Variants in UTP25 observed in about 807,000 individuals in gnomAD.
The protein encoded by UTP25 is UTP25 small subunit processome component.
In UTP25, 50 loss-of-function variants were observed where a neutral mutation model predicts 78.9. The observed-to-expected ratio is 0.63, with a 90% CI of 0.50 to 0.80. The LOEUF (loss-of-function observed/expected upper bound fraction) is 0.80. Among genes scored for constraint, UTP25 ranks in the 30% least tolerant of loss-of-function variants. The probability of loss-of-function intolerance (pLI) is 0.00; values close to 1 mark genes in which losing one functional copy is unlikely to be tolerated. For synonymous variants in UTP25, 329 were observed against 336.5 expected (o/e 0.98, Z 0.24); for missense variants, 846 against 911.3 (o/e 0.93, Z 0.92).
chr1:209,828,198 A>T (rs12404886), intron 1 of UTP25, 28 bp downstream of exon 1: 293,670 of 1,561,674 alleles, frequency 0.19, 29,079 homozygotes, highest in Non-Finnish European at 0.2. Context: ...AGGGCTCCCC[A>T]GTCGCCAGAG....
intron 10 of UTP25, 57 bp downstream of exon 10, chr1:209,842,752 C>A: frequency 7.7e-7 from 1 of 1,297,364 alleles, no homozygotes; most frequent in Non-Finnish European, 1.1e-6. Flanking sequence ...TTGACTTGGG[C>A]ATACAAACCT....
chr1:209,851,146 A>T, intron 11 of UTP25, 58 bp from the exon 12 acceptor site: 1 of 1,563,804 alleles, frequency 6.4e-7, no homozygotes, highest in Non-Finnish European at 8.7e-7. Flanking sequence ...ACTCCTAGGT[A>T]GTTTTTCTAG....
At position 209,851,603 on chromosome 1, in the gene UTP25, T is replaced by C. The variant is rs1426203623; in HGVS notation, c.*156T>C. ...ATCTGACATCTTTCTTTTCAGGTCATGTGTCCCTGAAAAGTTAAATGTAAA... is the reference window on the plus strand; with the variant it reads ...ATCTGACATCTTTCTTTTCAGGTCACGTGTCCCTGAAAAGTTAAATGTAAA... On this transcript the variant is annotated 3_prime_UTR_variant, in exon 12 of 12. Transcript: ENST00000491415. The C allele has an allele frequency of 1.4e-5, 14 of 1,002,846 alleles. No individual in the cohort carries two copies. The allele number at this position is 1,002,846 out of a possible 1,614,324, so 62.1% of individuals were successfully genotyped here. A position where few individuals can be genotyped will look rare whatever the true frequency, so the allele number is the denominator to read the frequency against.
intron 4 of UTP25, 90 bp downstream of exon 4, chr1:209,833,448 A>G: frequency 8.4e-7 from 1 of 1,184,048 alleles, no homozygotes; most frequent in Non-Finnish European, 1.2e-6. Context: ...ATTGGAACAA[A>G]CAGCAATAAA....
Position 209,855,530 on chromosome 1 carries a change from G to C in UTP25, c.*4083G>C, listed in dbSNP as rs1339032025. On this transcript the variant is annotated 3_prime_UTR_variant, in exon 12 of 12. Coordinates refer to ENST00000491415, the MANE Select transcript of UTP25 (RefSeq NM_014388.7). ...AGGACAGGTATGTGACTGCCATAAG[G>C]AGCTGTTTGCTTTGCACAGAGAAAT... The C allele has an allele frequency of 6.6e-6, 1 of 152,288 alleles. No individual in the cohort carries two copies. Among genetic ancestry groups the C allele is most frequent in the African/African-American group, 2.4e-5 (1 of 41,458 alleles). The allele number at this position is 152,288 out of a possible 1,614,324, so 9.4% of individuals were successfully genotyped here.
At chr1:209,842,950 G>A in intron 10 of UTP25, 1 of 455,604 alleles carries the variant, frequency 2.2e-6, no homozygotes, top group South Asian at 3.3e-5. Context: ...CTTGACTGTG[G>A]CATTTTAAAA....
At chr1:209,839,491 T>G (rs1401339153) in intron 7 of UTP25, among the ~76,000 whole-genome samples, 1 of 152,212 alleles carries the variant, frequency 6.6e-6, no homozygotes, top group African/African-American at 2.4e-5. Context: ...GGGGTCATTC[T>G]GGGGAGGCTG....
Position 209,841,075 on chromosome 1 carries a change from T to A in UTP25, c.1485+20T>A, listed in dbSNP as rs370853832. The A allele has an allele frequency of 6.2e-7, 1 of 1,613,150 alleles. No individual in the cohort carries two copies. The highest frequency in any genetic ancestry group is 8.5e-7 in the Non-Finnish European group (1 of 1,179,390). ...GTCCTGGTAATGCTGGCCATTCACA[T>A]TCAGTGGGACAGTATTCATATTTAG... On this transcript the variant is annotated intron_variant, in intron 8 of 11. Transcript: ENST00000491415.
At position 209,856,441 on chromosome 1, in the gene UTP25, C is replaced by G. The variant is rs2078276404; in HGVS notation, c.*4994C>G. 6.6e-6 allele frequency: 1 copy of G among 152,120 alleles called. No individual in the cohort carries two copies. The highest frequency in any genetic ancestry group is 1.5e-5 in the Non-Finnish European group (1 of 68,018). The allele number at this position is 152,120 out of a possible 1,614,324, so 9.4% of individuals were successfully genotyped here. Reference sequence around the variant, plus strand: ...TTTTACCTTCTGCTCTTCCCTTTTTCCTGCCTGGAACGCAGAAGTGATGGC... The same window carrying G: ...TTTTACCTTCTGCTCTTCCCTTTTTGCTGCCTGGAACGCAGAAGTGATGGC... On this transcript the variant is annotated 3_prime_UTR_variant, in exon 12 of 12. Transcript: ENST00000491415.
intron 7 of UTP25, among the ~76,000 whole-genome samples, chr1:209,840,123 C>T (rs529998779): frequency 2.0e-5 from 3 of 152,212 alleles, no homozygotes; most frequent in East Asian, 1.9e-4. Context: ...GACAAGAGCT[C>T]GTGTTTTGTT....
At chr1:209,839,691 T>A (rs2078155448) in intron 7 of UTP25, among the ~76,000 whole-genome samples, 1 of 152,234 alleles carries the variant, frequency 6.6e-6, no homozygotes. Flanking sequence ...TGTTCATTAG[T>A]CACATATGCT....
In UTP25 at chr1:209,852,324, T is replaced by C. The variant is rs571817890; in HGVS notation, c.*877T>C. The stretch of plus-strand genomic sequence containing the variant: ...GTGGGCCTATCACCTTTAAATACTT[T>C]AGTATATATTTCCTGTAAACAATTA... On this transcript the variant is annotated 3_prime_UTR_variant, in exon 12 of 12. Transcript: ENST00000491415. 7.5e-4 allele frequency: 115 copies of C among 152,338 alleles called. No homozygotes were observed. Among genetic ancestry groups the C allele is most frequent in the African/African-American group, 2.6e-3 (107 of 41,572 alleles). 9.4% of individuals were successfully genotyped at this position (152,338 alleles called of 1,614,324 possible). A position where few individuals can be genotyped will look rare whatever the true frequency, so the allele number is the denominator to read the frequency against.
chr1:209,830,053 T>C, intron 1 of UTP25, 55 bp from the exon 2 acceptor site: 4 of 1,490,728 alleles, frequency 2.7e-6, no homozygotes, highest in Non-Finnish European at 3.7e-6. Flanking sequence ...ATTTGACCTT[T>C]TCCTAATTTC....
intron 3 of UTP25, among the ~76,000 whole-genome samples, chr1:209,831,391 A>C (rs1370306542): frequency 6.6e-6 from 1 of 152,186 alleles, no homozygotes; most frequent in East Asian, 1.9e-4. Context: ...AGTTTGATGG[A>C]AGATAGACAT....
chr1:209,848,771 G>T (rs1394128597), intron 11 of UTP25, among the ~76,000 whole-genome samples: 2 of 152,182 alleles, frequency 1.3e-5, no homozygotes, highest in African/African-American at 4.8e-5. Flanking sequence ...ATACCTCATT[G>T]TTTGGATGTC....
At position 209,830,824 on chromosome 1, in the gene UTP25, G is replaced by C. The variant is rs939512379; in HGVS notation, c.169G>C (p.Asp57His). The C allele has an allele frequency of 1.2e-6, 2 of 1,613,610 alleles. No individual in the cohort carries two copies. The highest frequency in any genetic ancestry group is 1.7e-6 in the Non-Finnish European group (2 of 1,179,584). Residue 57 changes from aspartate to histidine, a missense_variant, in exon 3 of 12, where the codon GAT (aspartate) becomes CAT (histidine). Asp to His is a moderately conservative substitution (Grantham distance 81). Transcript: ENST00000491415. ...TTAGTCAGAGAGTTCAGATTCTTCA[G>C]ATTCTGAAAGCGACTCAGAGAGTGA... The part of the protein sequence containing the change: ...CQLSESSDSS[D>H]SESDSESEPQ...
chr1:209,837,140 A>T lies in UTP25; in HGVS notation c.991A>T (p.Arg331Ter). The change falls in exon 6 of 12, where the codon AGA (arginine) becomes TGA (stop). Residue 331 changes from arginine to a stop codon, truncating the protein, a stop_gained. Transcript: ENST00000491415. LOFTEE classifies it high-confidence loss of function. ...ANAQVLGNNS[R>*]RRSQKFGVGD... ...TGCCCAGGTGCTTGGCAACAATAGCAGACGCCGAAGCCAGAAGTTTGGAGT... is the reference window on the plus strand; with the variant it reads ...TGCCCAGGTGCTTGGCAACAATAGCTGACGCCGAAGCCAGAAGTTTGGAGT... 1 of 1,614,166 alleles carries T rather than the reference A, an allele frequency of 6.2e-7. No individual in the cohort carries two copies. The highest frequency in any genetic ancestry group is 8.5e-7 in the Non-Finnish European group (1 of 1,180,008).
intron 8 of UTP25, among the ~76,000 whole-genome samples, chr1:209,841,589 A>G (rs191666518): frequency 6.6e-6 from 1 of 152,252 alleles, no homozygotes; most frequent in East Asian, 1.9e-4. Flanking sequence ...CTGCAGTGTT[A>G]TCAGTTTTAG....
At chr1:209,830,391 A>C (rs1319465472) in intron 2 of UTP25, among the ~76,000 whole-genome samples, 1 of 152,158 alleles carries the variant, frequency 6.6e-6, no homozygotes, top group Non-Finnish European at 1.5e-5. Context: ...ACAGAGGCTT[A>C]TCAGAGGGCT....
Sources: gnomAD v4.1 joint callset for allele counts (sites outside exome capture counted in the v4.1 genomes callset) on GRCh38, gnomAD v4.1.1 for gene constraint, MANE v1.5 for transcripts, NCBI Gene and HGNC (gene_info 2026-07-23, HGNC 2026-07-21) for gene names.